OCIAD1: variants seen among roughly 807,000 people sequenced by gnomAD.
The protein encoded by OCIAD1 is OCIA domain-containing protein 1.
In OCIAD1, 29 loss-of-function variants were observed where a neutral mutation model predicts 38.9. The observed-to-expected ratio is 0.74, with a 90% CI of 0.55 to 1.02. OCIAD1 has a LOEUF of 1.02. Ranked by LOEUF, OCIAD1 falls within the 50% of genes least tolerant of loss-of-function variation. OCIAD1 has a pLI of 0.00. For synonymous variants in OCIAD1, 110 were observed against 92.0 expected, an observed-to-expected ratio of 1.20 and a Z score of -1.12; for missense variants, 288 against 289.6, an observed-to-expected ratio of 0.99 and a Z score of 0.04.
intron 4 of OCIAD1, among the ~76,000 whole-genome samples, chr4:48,842,991 A>G (rs1049786966): frequency 2.0e-5 from 3 of 152,210 alleles, no homozygotes; most frequent in African/African-American, 7.2e-5. Context: ...ATTGCCTAGG[A>G]GCTTGTTAGA....
chr4:48,806,272 A>G (rs562437400), intron 1 of OCIAD1, among the ~76,000 whole-genome samples: 2 of 152,182 alleles, frequency 1.3e-5, no homozygotes, highest in Admixed American at 6.5e-5. Flanking sequence ...CTCAATAAAT[A>G]AATAAATAAA....
At position 48,849,996 on chromosome 4, in the gene OCIAD1, T is replaced by C; in HGVS notation, c.291T>C (p.Thr97=). 2.5e-6 allele frequency: 4 copies of C among 1,613,072 alleles called. No homozygotes were observed. Among genetic ancestry groups the C allele is most frequent in the South Asian group, 1.1e-5 (1 of 90,688 alleles). ...CTGGAAAACTTTCTTATGTGAAAACTTGCCAAGAGAAATTCAAGAAACTTG... is the reference window on the plus strand; with the variant it reads ...CTGGAAAACTTTCTTATGTGAAAACCTGCCAAGAGAAATTCAAGAAACTTG... ...YFAGKLSYVK[T]CQEKFKKLEN... Residue 97 remains threonine (T), a synonymous_variant, in exon 6 of 9, where the codon ACT becomes ACC. Coordinates refer to ENST00000264312, the MANE Select transcript of OCIAD1 (RefSeq NM_017830.4).
At chr4:48,848,260 G>A in intron 4 of OCIAD1, 139 bp from the exon 5 acceptor site, 1 of 438,298 alleles carries the variant, frequency 2.3e-6, no homozygotes, top group East Asian at 3.5e-5. Context: ...GAATTCATTT[G>A]GTTTTCCCTA....
chr4:48,848,491 A>T, intron 5 of OCIAD1, 45 bp downstream of exon 5: 1 of 924,162 alleles, frequency 1.1e-6, no homozygotes, highest in South Asian at 1.7e-5. Context: ...TTTAAAACTT[A>T]AATAAAATTA....
At chr4:48,831,980 T>TA (rs1777549431) in intron 1 of OCIAD1, among the ~76,000 whole-genome samples, 1 of 152,172 alleles carries the variant, frequency 6.6e-6, no homozygotes, top group Non-Finnish European at 1.5e-5. Flanking sequence ...TATGAGTTTT[T>TA]AAAAAAAGAA....
chr4:48,835,160 C>T (rs921401306), intron 3 of OCIAD1, among the ~76,000 whole-genome samples: 7 of 152,198 alleles, frequency 4.6e-5, no homozygotes, highest in African/African-American at 1.4e-4. Context: ...TCTCGAACTC[C>T]TGACCTCAGT....
At chr4:48,842,047 T>C (rs1262613385) in intron 3 of OCIAD1, among the ~76,000 whole-genome samples, 1 of 152,212 alleles carries the variant, frequency 6.6e-6, no homozygotes, top group Non-Finnish European at 1.5e-5. Context: ...ATCAGACAGA[T>C]TTTATTAGAA....
chr4:48,840,673 G>A (rs763988212), intron 3 of OCIAD1, among the ~76,000 whole-genome samples: 4 of 152,098 alleles, frequency 2.6e-5, no homozygotes, highest in Non-Finnish European at 5.9e-5. Context: ...GTTTTTGTAT[G>A]CATGAGCTAA....
chr4:48,825,124 C>A (rs1777236186), intron 1 of OCIAD1, among the ~76,000 whole-genome samples: 1 of 152,154 alleles, frequency 6.6e-6, no homozygotes, highest in Non-Finnish European at 1.5e-5. Flanking sequence ...GCATGGACAC[C>A]ACAAAAAGGA....
chr4:48,822,677 G>C (rs1777205878), intron 1 of OCIAD1, among the ~76,000 whole-genome samples: 1 of 151,754 alleles, frequency 6.6e-6, no homozygotes, highest in Non-Finnish European at 1.5e-5. Context: ...GAATCTATAA[G>C]GAACTTAAAT....
intron 4 of OCIAD1, 38 bp downstream of exon 4, chr4:48,842,727 A>C: frequency 8.8e-7 from 1 of 1,132,962 alleles, no homozygotes; most frequent in Non-Finnish European, 1.3e-6. Flanking sequence ...AGCATTTTGG[A>C]TACCATGTTT....
intron 3 of OCIAD1, among the ~76,000 whole-genome samples, chr4:48,838,853 G>C (rs1038143758): frequency 3.9e-5 from 6 of 152,008 alleles, no homozygotes; most frequent in African/African-American, 1.4e-4. Context: ...TTTCTATACT[G>C]ACCTACATTC....
intron 3 of OCIAD1, among the ~76,000 whole-genome samples, chr4:48,840,101 T>A (rs1778384310): frequency 6.6e-6 from 1 of 152,242 alleles, no homozygotes; most frequent in African/African-American, 2.4e-5. Context: ...GAATGAGACC[T>A]TAGGTCTAAT....
At chr4:48,853,951 A>AT (rs1432015276) in intron 7 of OCIAD1, among the ~76,000 whole-genome samples, 1 of 152,070 alleles carries the variant, frequency 6.6e-6, no homozygotes, top group Non-Finnish European at 1.5e-5. Flanking sequence ...TGATTTTTTT[A>AT]TTTTTTTCTT....
chr4:48,831,159 C>A lies in OCIAD1; in HGVS notation c.-96C>A. On this transcript the variant is annotated 5_prime_UTR_variant, in exon 1 of 9. Transcript: ENST00000264312. ...TCCCCGCGGTACCTTGCACTTTTCTCCCTCCCTGCCCCCTCTCGAGTCCAC... is the reference window on the plus strand; with the variant it reads ...TCCCCGCGGTACCTTGCACTTTTCTACCTCCCTGCCCCCTCTCGAGTCCAC... 1 of 302,824 alleles carries A rather than the reference C, an allele frequency of 3.3e-6. No homozygotes were observed. Among genetic ancestry groups the A allele is most frequent in the South Asian group, 2.7e-5 (1 of 36,928 alleles). 18.8% of individuals were successfully genotyped at this position (302,824 alleles called of 1,614,324 possible).
intron 1 of OCIAD1, among the ~76,000 whole-genome samples, chr4:48,810,596 AATTT>A (rs999519233): frequency 6.6e-6 from 1 of 152,014 alleles, no homozygotes; most frequent in Non-Finnish European, 1.5e-5. Flanking sequence ...CAATGACTAC[AATTT>A]ATTTATTTAT....
At chr4:48,850,148 A>T (rs1779306097) in intron 6 of OCIAD1, 66 bp downstream of exon 6, 4 of 1,523,280 alleles carry the variant, frequency 2.6e-6, no homozygotes, top group Non-Finnish European at 3.6e-6. Context: ...TGTTGCTATA[A>T]CTCATGGCTC....
At chr4:48,806,104 T>C (rs1234724964) in intron 1 of OCIAD1, among the ~76,000 whole-genome samples, 6 of 152,066 alleles carry the variant, frequency 3.9e-5, no homozygotes, top group Non-Finnish European at 8.8e-5. Flanking sequence ...CCATCTCTAC[T>C]AAAAATACAA....
At chr4:48,808,488 GA>G (rs942641464) in intron 1 of OCIAD1, among the ~76,000 whole-genome samples, 43 of 146,674 alleles carry the variant, frequency 2.9e-4, no homozygotes, top group African/African-American at 7.8e-4. Flanking sequence ...AAAAAACAAA[GA>G]AAAAAAAAAG....
Sources: gnomAD v4.1 joint callset for allele counts (sites outside exome capture counted in the v4.1 genomes callset) on GRCh38, gnomAD v4.1.1 for gene constraint, MANE v1.5 for transcripts, NCBI Gene and HGNC (gene_info 2026-07-23, HGNC 2026-07-21) for gene names.